TEX2: variants seen among roughly 807,000 people sequenced by gnomAD.
TEX2 encodes testis expressed 2.
Under a neutral mutation model 106.9 loss-of-function variants are expected in TEX2, and 53 were observed. That is an observed-to-expected ratio of 0.50 (90% CI 0.40 to 0.62). The LOEUF (loss-of-function observed/expected upper bound fraction) is 0.62. TEX2 is among the 20% of genes least tolerant of loss of function. The pLI, the probability that TEX2 is intolerant of heterozygous loss-of-function variation, is 0.00. For missense variants in TEX2, 1,207 were observed against 1,379.0 expected (o/e 0.88, Z 1.98); for synonymous variants, 523 against 534.8 (o/e 0.98, Z 0.30).
In TEX2 at chr17:64,213,720, A is replaced by T. The variant is rs1195419733; in HGVS notation, c.498T>A (p.Ser166=). Residue 166 remains serine, a synonymous_variant, in exon 2 of 12, where the codon TCT becomes TCA. Coordinates refer to ENST00000584379, the MANE Select transcript of TEX2 (RefSeq NM_001288732.2). This position sits in a 1 kb window ranked among gnomAD's most constrained non-coding sequence, Gnocchi z 4.4. The part of the protein sequence containing the change: ...QKTSSSSPLS[S]PSKSPILSSS... ...ATGAGAGGATGGGAGACTTAGAAGG[A>T]GAGGACAATGGGGAGGAAGAACTGG... 6.2e-7 allele frequency: 1 copy of T among 1,614,062 alleles called. No homozygotes were observed. Among genetic ancestry groups the T allele is most frequent in the African/African-American group, 1.3e-5 (1 of 74,918 alleles).
chr17:64,201,857 T>C (rs1369166349), intron 2 of TEX2, among the ~76,000 whole-genome samples: 2 of 152,132 alleles, frequency 1.3e-5, no homozygotes, highest in Non-Finnish European at 2.9e-5. Flanking sequence ...TAACAAATGT[T>C]TGTTGACTGA....
intron 4 of TEX2, among the ~76,000 whole-genome samples, chr17:64,193,081 G>A (rs770868843): frequency 9.2e-5 from 14 of 152,186 alleles, no homozygotes; most frequent in Non-Finnish European, 1.6e-4. Flanking sequence ...AGCCAAAGCT[G>A]AGCAAAGAGG....
intron 1 of TEX2, among the ~76,000 whole-genome samples, chr17:64,238,216 C>T (rs1370256055): frequency 6.6e-6 from 1 of 152,126 alleles, no homozygotes; most frequent in African/African-American, 2.4e-5. Flanking sequence ...AAGAGAATCG[C>T]TTGACCCTGG....
intron 9 of TEX2, among the ~76,000 whole-genome samples, chr17:64,154,120 A>T (rs2143609064): frequency 6.6e-6 from 1 of 152,026 alleles, no homozygotes; most frequent in Non-Finnish European, 1.5e-5. Flanking sequence ...CATTCTTAAG[A>T]GGGTCAAGCA....
At chr17:64,192,910 C>T (rs942513190) in intron 4 of TEX2, among the ~76,000 whole-genome samples, 13 of 152,240 alleles carry the variant, frequency 8.5e-5, no homozygotes, top group African/African-American at 3.1e-4. Flanking sequence ...AACACCCACA[C>T]TGGTCTTGTC....
intron 2 of TEX2, among the ~76,000 whole-genome samples, chr17:64,206,481 G>C (rs1292238575): frequency 6.6e-6 from 1 of 151,322 alleles, no homozygotes. Context: ...GAACAAGCAA[G>C]CTTTGGAGGA....
chr17:64,180,427 C>G (rs1158763289), intron 5 of TEX2, among the ~76,000 whole-genome samples: 3 of 152,250 alleles, frequency 2.0e-5, no homozygotes, highest in Middle Eastern at 6.8e-3. Flanking sequence ...TCAACAGTTC[C>G]TTTTTCCAAA....
intron 3 of TEX2, 117 bp downstream of exon 3, chr17:64,194,778 G>A: frequency 1.1e-6 from 1 of 885,058 alleles, no homozygotes. Flanking sequence ...GTCCCCTAAG[G>A]TATACTGTTC....
chr17:64,212,027 A>G (rs190670230), intron 2 of TEX2, among the ~76,000 whole-genome samples: 28 of 152,274 alleles, frequency 1.8e-4, no homozygotes, highest in South Asian at 1.0e-3. Flanking sequence ...CTGCTTCCCA[A>G]TGAATTGTCC....
intron 2 of TEX2, among the ~76,000 whole-genome samples, chr17:64,207,092 A>G (rs1468789528): frequency 2.6e-5 from 4 of 152,172 alleles, no homozygotes; most frequent in African/African-American, 9.7e-5. Flanking sequence ...GTACACAAAA[A>G]CTTTCCTTTT....
At chr17:64,152,016 C>T (rs2030381156) in intron 10 of TEX2, among the ~76,000 whole-genome samples, 1 of 151,976 alleles carries the variant, frequency 6.6e-6, no homozygotes, top group African/African-American at 2.4e-5. Flanking sequence ...TTGGGAAATA[C>T]CAGCATTATC....
Position 64,210,075 on chromosome 17 carries a change from A to T in TEX2, c.1644+2499T>A, listed in dbSNP as rs79864484. 2.0e-5 allele frequency among the ~76,000 whole-genome samples: 3 copies of T among 152,238 alleles called. No homozygotes were observed. In the East Asian group the frequency reaches 5.8e-4, roughly 29 times the overall value. ...CAAACCAGTTTAAACTGAATGCCAC[A>T]GTCAGTCATTAGGTACTAGAGTTAA... On this transcript the variant is annotated intron_variant, in intron 2 of 11. Transcript: ENST00000584379.
chr17:64,184,103 C>A (rs995129159), intron 5 of TEX2, among the ~76,000 whole-genome samples: 4 of 152,166 alleles, frequency 2.6e-5, no homozygotes, highest in Admixed American at 2.0e-4. Flanking sequence ...AGATCCTTTA[C>A]CCTTTTATTT....
In TEX2 at chr17:64,160,840, A is replaced by T; in HGVS notation, c.2765T>A (p.Leu922His). ...MNLTKLGKEP[L>H]VEALKVGEIG... ...TTCTCCAACCTTCAGGGCTTCAACA[A>T]GAGGCTCTTTACCTAGTTTGGTCAA... is the stretch of plus-strand genomic sequence containing the variant. Residue 922 changes from leucine to histidine, a missense_variant, in exon 8 of 12, where the codon CTT (leucine) becomes CAT (histidine). Around this residue, in one of 3 missense-constraint regions of TEX2, gnomAD observed 1,067 missense variants for 1,193.6 expected, o/e 0.89. Transcript: ENST00000584379. The T allele has an allele frequency of 6.2e-7, 1 of 1,614,150 alleles. No individual in the cohort carries two copies.
Position 64,148,186 on chromosome 17 carries a change from C to T in TEX2, c.*783G>A, listed in dbSNP as rs552510215. On this transcript the variant is annotated 3_prime_UTR_variant, in exon 12 of 12. Coordinates refer to ENST00000584379, the MANE Select transcript of TEX2 (RefSeq NM_001288732.2). ...TGGCTCTGGCTTTCTAACCCCATCC[C>T]ATCTGTATGAGAGGACCCATCCTGT... 1 of 152,748 alleles carries T rather than the reference C, an allele frequency of 6.5e-6. No homozygotes were observed. The highest frequency in any genetic ancestry group is 1.9e-4 in the East Asian group (1 of 5,184). The allele number at this position is 152,748 out of a possible 1,614,324, so 9.5% of individuals were successfully genotyped here. A position where few individuals can be genotyped will look rare whatever the true frequency, so the allele number is the denominator to read the frequency against.
chr17:64,172,111 T>C (rs1364756885), intron 6 of TEX2, among the ~76,000 whole-genome samples: 1 of 152,024 alleles, frequency 6.6e-6, no homozygotes, highest in East Asian at 1.9e-4. Context: ...TCCCAGCACT[T>C]TGGGAGGCCG....
At chr17:64,210,996 C>T (rs2032985361) in intron 2 of TEX2, among the ~76,000 whole-genome samples, 1 of 152,138 alleles carries the variant, frequency 6.6e-6, no homozygotes, top group Non-Finnish European at 1.5e-5. Flanking sequence ...GAGTCTCACT[C>T]TGTCACCCAG....
At chr17:64,236,517 A>G (rs983263463) in intron 1 of TEX2, among the ~76,000 whole-genome samples, 11 of 152,342 alleles carry the variant, frequency 7.2e-5, no homozygotes, top group African/African-American at 2.6e-4. Flanking sequence ...AGCCTGAGCG[A>G]CAGAGTAAGA....
chr17:64,259,595 C>G (rs1201227497), intron 1 of TEX2, among the ~76,000 whole-genome samples: 1 of 152,288 alleles, frequency 6.6e-6, no homozygotes, highest in East Asian at 1.9e-4. Context: ...GTGCTCTAGG[C>G]AAATTGGAAA....
Sources: gnomAD v4.1 joint callset for allele counts (sites outside exome capture counted in the v4.1 genomes callset) on GRCh38, gnomAD v4.1.1 for gene constraint, gnomAD v4.1.1 regional missense constraint, Gnocchi (gnomAD v3.1) non-coding constraint, MANE v1.5 for transcripts, NCBI Gene and HGNC (gene_info 2026-07-23, HGNC 2026-07-21) for gene names.